Variants in CCDC33 observed in about 807,000 individuals in gnomAD.
The protein encoded by CCDC33 is coiled-coil domain containing 33.
In CCDC33, 94 loss-of-function variants were observed where a neutral mutation model predicts 91.9. The observed-to-expected ratio is 1.02, with a 90% CI of 0.87 to 1.21. CCDC33 has a LOEUF of 1.21. Among genes scored for constraint, CCDC33 ranks in the 50% most tolerant of loss-of-function variants. The probability of loss-of-function intolerance (pLI) is 0.00; values close to 1 mark genes in which losing one functional copy is unlikely to be tolerated. For synonymous variants in CCDC33, 396 were observed against 374.5 expected (o/e 1.06, Z -0.66); for missense variants, 940 against 935.5 (o/e 1.00, Z -0.06).
intron 2 of CCDC33, among the ~76,000 whole-genome samples, chr15:74,250,771 A>C (rs1478194138): frequency 6.6e-6 from 1 of 152,210 alleles, no homozygotes; most frequent in Non-Finnish European, 1.5e-5. Context: ...CGTCGAATGA[A>C]TCTGGCCCTG....
chr15:74,305,703 GTA>G (rs1375536225), intron 11 of CCDC33, among the ~76,000 whole-genome samples: 1 of 152,084 alleles, frequency 6.6e-6, no homozygotes, highest in Non-Finnish European at 1.5e-5. Context: ...TTCATTTCTG[GTA>G]CATGCACCTA....
At chr15:74,203,772 C>G (rs930413142) in intron 1 of CCDC33, among the ~76,000 whole-genome samples, 2 of 152,184 alleles carry the variant, frequency 1.3e-5, no homozygotes, top group Non-Finnish European at 2.9e-5. Flanking sequence ...TTGAGCTGGT[C>G]TGTACCATGG....
chr15:74,233,088 G>A (rs2075034483), upstream of CCDC33, among the ~76,000 whole-genome samples: 1 of 152,182 alleles, frequency 6.6e-6, no homozygotes, highest in African/African-American at 2.4e-5. Context: ...TCAGGGTCCT[G>A]CTCAAGGCCC....
intron 11 of CCDC33, among the ~76,000 whole-genome samples, chr15:74,321,098 C>T (rs1205533994): frequency 6.6e-6 from 1 of 152,178 alleles, no homozygotes; most frequent in African/African-American, 2.4e-5. Flanking sequence ...CCTCCATCCT[C>T]CCCGACTTGT....
At chr15:74,286,789 C>A (rs998758638) in intron 10 of CCDC33, among the ~76,000 whole-genome samples, 1 of 152,162 alleles carries the variant, frequency 6.6e-6, no homozygotes, top group African/African-American at 2.4e-5. Context: ...TGACGTGAAA[C>A]CCCCTGGCTT....
intron 2 of CCDC33, among the ~76,000 whole-genome samples, chr15:74,222,355 G>C (rs936091662): frequency 6.6e-6 from 1 of 152,062 alleles, no homozygotes; most frequent in Non-Finnish European, 1.5e-5. Flanking sequence ...CTAGAAGGCC[G>C]GGAACTCCCT....
chr15:74,330,928 G>A, intron 13 of CCDC33, 53 bp from the exon 14 acceptor site: 1 of 1,554,588 alleles, frequency 6.4e-7, no homozygotes, highest in Non-Finnish European at 8.7e-7. Flanking sequence ...TCAGGGCCAA[G>A]GTGGACTCCC....
chr15:74,236,390 G>A lies in CCDC33; in HGVS notation c.-330G>A. On this transcript the variant is annotated 5_prime_UTR_variant, in exon 1 of 19. Transcript: ENST00000398814. ...CCCATCTCTCCACCGTCCTAGGTGT[G>A]CCAAGAGTCAATTGCCTCATTGCTG... The A allele has an allele frequency of 2.9e-6, 1 of 343,016 alleles. No individual in the cohort carries two copies. The highest frequency in any genetic ancestry group is 4.8e-5 in the East Asian group (1 of 20,974). The allele number at this position is 343,016 out of a possible 1,614,324, so 21.2% of individuals were successfully genotyped here.
chr15:74,250,761 C>T lies in CCDC33; in HGVS notation c.185+6613C>T, dbSNP rs1047316328. ...ACATAGGAAGCTGTCACTAAATAATCGTCGAATGAATCTGGCCCTGTTTCT... is the reference window on the plus strand; with the variant it reads ...ACATAGGAAGCTGTCACTAAATAATTGTCGAATGAATCTGGCCCTGTTTCT... On this transcript the variant is annotated intron_variant, in intron 2 of 18. Transcript: ENST00000398814. Among the ~76,000 whole-genome samples the T allele has an allele frequency of 2.6e-5, 4 of 152,172 alleles. No homozygotes were observed. The South Asian group carries it at 8.3e-4, about 31-fold the overall frequency.
chr15:74,223,613 G>A lies in CCDC33; in HGVS notation c.675+4752G>A, dbSNP rs572504340. ...CCCCAGCCACCAGTGCCCCTCTACAGGCACGTGCCAGAGATTGACTCCCAG... is the reference window on the plus strand; with the variant it reads ...CCCCAGCCACCAGTGCCCCTCTACAAGCACGTGCCAGAGATTGACTCCCAG... On this transcript the variant is annotated intron_variant, in intron 2 of 2. Transcript: ENST00000635913. 6.6e-5 allele frequency among the ~76,000 whole-genome samples: 10 copies of A among 151,764 alleles called. No individual in the cohort carries two copies. The South Asian group carries it at 2.1e-3, about 32-fold the overall frequency.
At chr15:74,273,734 G>A (rs576439452) in intron 7 of CCDC33, among the ~76,000 whole-genome samples, 1 of 151,666 alleles carries the variant, frequency 6.6e-6, no homozygotes, top group East Asian at 2.0e-4. Context: ...CTCCCAAAAG[G>A]CTGGGATTAC....
rs532274907 is a variant in CCDC33, at chr15:74,268,800, G to T, written c.546+342G>T. 8.5e-5 allele frequency among the ~76,000 whole-genome samples: 13 copies of T among 152,202 alleles called. No homozygotes were observed. The South Asian group carries it at 2.7e-3, about 31-fold the overall frequency. On this transcript the variant is annotated intron_variant, in intron 5 of 18. Coordinates refer to ENST00000398814, the MANE Select transcript of CCDC33 (RefSeq NM_025055.5). ...CTGTCTCCCCGAATCTTATGCTAGG[G>T]GCAGGGGAGAAGCCCCGTGCTCCCC...
intron 3 of CCDC33, 23 bp downstream of exon 3, chr15:74,262,596 C>G: frequency 5.6e-6 from 9 of 1,605,084 alleles, no homozygotes; most frequent in Non-Finnish European, 7.7e-6. Context: ...TGGGCAGGGC[C>G]GGCATGTGCA....
At chr15:74,322,283 G>A (rs557294370) in intron 11 of CCDC33, among the ~76,000 whole-genome samples, 23 of 152,356 alleles carry the variant, frequency 1.5e-4, no homozygotes, top group African/African-American at 5.3e-4. Context: ...TAAGTCCTCA[G>A]CTGGGACGAC....
At chr15:74,309,450 C>T (rs1311133608) in intron 11 of CCDC33, among the ~76,000 whole-genome samples, 4 of 152,176 alleles carry the variant, frequency 2.6e-5, no homozygotes. Context: ...GTCTGGATCA[C>T]AGAGGTGTTT....
intron 2 of CCDC33, chr15:74,221,229 T>TG (rs1444293314): frequency 2.0e-6 from 2 of 977,478 alleles, no homozygotes; most frequent in African/African-American, 3.7e-5. Flanking sequence ...TTTTTTTTTT[T>TG]TTTTTTTTTT....
chr15:74,336,228 T>C, downstream of CCDC33: 1 of 1,428,716 alleles, frequency 7.0e-7, no homozygotes, highest in Non-Finnish European at 9.2e-7. Flanking sequence ...CTGGGTCTTC[T>C]GCTGCAGCCT....
intron 1 of CCDC33, among the ~76,000 whole-genome samples, chr15:74,243,360 C>G (rs936946572): frequency 1.3e-5 from 2 of 152,224 alleles, no homozygotes; most frequent in African/African-American, 4.8e-5. Flanking sequence ...ATTGTTAGGA[C>G]TGCAAAAGCA....
intron 11 of CCDC33, among the ~76,000 whole-genome samples, chr15:74,314,453 C>T (rs1453363805): frequency 6.6e-6 from 1 of 152,206 alleles, no homozygotes; most frequent in Non-Finnish European, 1.5e-5. Context: ...CCCTGGCTGC[C>T]CACTTATAGG....
Sources: gnomAD v4.1 joint callset for allele counts (sites outside exome capture counted in the v4.1 genomes callset) on GRCh38, gnomAD v4.1.1 for gene constraint, MANE v1.5 for transcripts, NCBI Gene and HGNC (gene_info 2026-07-23, HGNC 2026-07-21) for gene names.